Variants in SCUBE1 observed in about 807,000 individuals in gnomAD.
The protein encoded by SCUBE1 is signal peptide, CUB and EGF-like domain-containing protein 1.
SCUBE1 carries 59 observed loss-of-function variants against 124.4 expected under a neutral mutation model. The observed-to-expected ratio is 0.47, with a 90% CI of 0.38 to 0.59. The LOEUF is 0.59. Among genes scored for constraint, SCUBE1 ranks in the 20% least tolerant of loss-of-function variants. The pLI, the probability that SCUBE1 is intolerant of heterozygous loss-of-function variation, is 0.00. For missense variants in SCUBE1, 1,150 were observed against 1,371.2 expected (o/e 0.84, Z 2.55); for synonymous variants, 545 against 550.9 (o/e 0.99, Z 0.15).
chr22:43,290,811 G>A (rs755043907), intron 4 of SCUBE1, among the ~76,000 whole-genome samples: 2 of 152,190 alleles, frequency 1.3e-5, no homozygotes, highest in Non-Finnish European at 2.9e-5. Flanking sequence ...TGCTACTTGC[G>A]GCCCCACATA....
rs900390182 is a variant in SCUBE1 at position 43,234,398 on chromosome 22, G to A, written c.845-2523C>T. On this transcript the variant is annotated intron_variant, in intron 7 of 21. Transcript: ENST00000360835. This position sits in a 1 kb window ranked among gnomAD's most constrained non-coding sequence, Gnocchi z 4.4. ...GCTGCTAAGCAGACAGGGGCAGCAC[G>A]TGATCATTCTCACCACTCCTGCCTC... Among the ~76,000 whole-genome samples, 9 of 152,162 alleles carry A rather than the reference G, an allele frequency of 5.9e-5. No homozygotes were observed. The highest frequency in any genetic ancestry group is 1.9e-4 in the East Asian group (1 of 5,188).
intron 6 of SCUBE1, among the ~76,000 whole-genome samples, chr22:43,257,255 T>C (rs1018042687): frequency 6.6e-6 from 1 of 152,304 alleles, no homozygotes; most frequent in Admixed American, 6.5e-5. Context: ...AACCCTGTCC[T>C]GTCCCCTGAG....
At position 43,201,845 on chromosome 22, in the gene SCUBE1, C is replaced by T. The variant is rs1921021941; in HGVS notation, c.*2152G>A. ...TGAAGAGGCGACACCCCTCCCGGCACCTTCCTCAGGAGCTGTTGCTGCAGG... is the reference window on the plus strand; with the variant it reads ...TGAAGAGGCGACACCCCTCCCGGCATCTTCCTCAGGAGCTGTTGCTGCAGG... On this transcript the variant is annotated 3_prime_UTR_variant, in exon 22 of 22. Coordinates refer to ENST00000360835, the MANE Select transcript of SCUBE1 (RefSeq NM_173050.5). 1 of 152,272 alleles carries T rather than the reference C, an allele frequency of 6.6e-6. No individual in the cohort carries two copies. Among genetic ancestry groups the T allele is most frequent in the African/African-American group, 2.4e-5 (1 of 41,454 alleles). The allele number at this position is 152,272 out of a possible 1,614,324, so 9.4% of individuals were successfully genotyped here. A position where few individuals can be genotyped will look rare whatever the true frequency, so the allele number is the denominator to read the frequency against.
intron 4 of SCUBE1, among the ~76,000 whole-genome samples, chr22:43,290,650 T>C (rs1347178272): frequency 6.6e-6 from 1 of 152,212 alleles, no homozygotes; most frequent in Non-Finnish European, 1.5e-5. Flanking sequence ...TCGCTGGTGC[T>C]GCCAGGCTCA....
At chr22:43,342,636 G>A (rs1927360817) in intron 1 of SCUBE1, among the ~76,000 whole-genome samples, 1 of 151,846 alleles carries the variant, frequency 6.6e-6, no homozygotes, top group Admixed American at 6.6e-5. Flanking sequence ...TCCCCGGGCG[G>A]TGCGGGCCTC....
intron 6 of SCUBE1, among the ~76,000 whole-genome samples, chr22:43,242,846 G>C (rs1378626934): frequency 1.3e-5 from 2 of 152,188 alleles, no homozygotes; most frequent in African/African-American, 4.8e-5. Flanking sequence ...TAGTGGACAA[G>C]GCACCTATCA....
intron 4 of SCUBE1, among the ~76,000 whole-genome samples, chr22:43,280,517 G>A (rs62232104): frequency 3.0e-5 from 1 of 33,120 alleles, no homozygotes; most frequent in Non-Finnish European, 4.8e-5. Context: ...CACCCATCCT[G>A]CTGTCCCTTC....
At chr22:43,288,644 G>A (rs1180936427) in intron 4 of SCUBE1, among the ~76,000 whole-genome samples, 5 of 152,198 alleles carry the variant, frequency 3.3e-5, no homozygotes, top group African/African-American at 4.8e-5. Context: ...CTCCAGCACC[G>A]TCTGCTGCAC....
At chr22:43,224,330 C>T (rs1922221777) in intron 10 of SCUBE1, among the ~76,000 whole-genome samples, 1 of 152,260 alleles carries the variant, frequency 6.6e-6, no homozygotes, top group Non-Finnish European at 1.5e-5. Flanking sequence ...GCAAGTGGGC[C>T]TCTGGCTGGG....
intron 3 of SCUBE1, among the ~76,000 whole-genome samples, chr22:43,316,055 A>G (rs1167139387): frequency 6.6e-6 from 1 of 151,934 alleles, no homozygotes; most frequent in Non-Finnish European, 1.5e-5. Context: ...GCATCAAACC[A>G]CTCCACATCA....
At chr22:43,222,837 A>C in intron 11 of SCUBE1, 95 bp from the exon 12 acceptor site, 1 of 1,089,028 alleles carries the variant, frequency 9.2e-7, no homozygotes, top group Non-Finnish European at 1.3e-6. Context: ...GAGTGAGACG[A>C]AGATCAGGAC....
rs557036901 is a variant in SCUBE1 at position 43,210,645 on chromosome 22, G to A, written c.2383+277C>T. Among the ~76,000 whole-genome samples the A allele has an allele frequency of 6.6e-6, 1 of 152,356 alleles. No individual in the cohort carries two copies. The highest frequency in any genetic ancestry group is 6.5e-5 in the Admixed American group (1 of 15,308). ...AGACCCAGAAACTAGAGCAGGGCCT[G>A]GCCCAGGGCAGAGGCTTGGGCTGTG... On this transcript the variant is annotated intron_variant, in intron 18 of 21. Coordinates refer to ENST00000360835, the MANE Select transcript of SCUBE1 (RefSeq NM_173050.5). The surrounding 1 kb of genome is among the most constrained non-coding windows in gnomAD (Gnocchi z 4.5).
At chr22:43,325,097 G>A (rs1489791392) in intron 2 of SCUBE1, among the ~76,000 whole-genome samples, 1 of 151,584 alleles carries the variant, frequency 6.6e-6, no homozygotes, top group East Asian at 1.9e-4. Context: ...GGCAGAGATT[G>A]GAGTGAGGCA....
chr22:43,279,150 C>T (rs1924656692), intron 4 of SCUBE1, among the ~76,000 whole-genome samples: 1 of 152,168 alleles, frequency 6.6e-6, no homozygotes, highest in African/African-American at 2.4e-5. Flanking sequence ...GCCCCAGACG[C>T]TGCTGGGGAG....
At chr22:43,261,821 T>C (rs1923881461) in intron 5 of SCUBE1, among the ~76,000 whole-genome samples, 2 of 152,214 alleles carry the variant, frequency 1.3e-5, no homozygotes, top group African/African-American at 2.4e-5. Flanking sequence ...CTTTGGCTCT[T>C]TGTAAAAAGG....
chr22:43,228,127 T>G (rs1224404663), intron 9 of SCUBE1, among the ~76,000 whole-genome samples: 1 of 152,196 alleles, frequency 6.6e-6, no homozygotes, highest in African/African-American at 2.4e-5. Context: ...ATCACATTCT[T>G]GCCTGACCCT....
intron 3 of SCUBE1, among the ~76,000 whole-genome samples, chr22:43,293,851 A>G (rs898275042): frequency 7.2e-5 from 11 of 152,210 alleles, no homozygotes; most frequent in African/African-American, 2.4e-4. Context: ...CCCAGTGCAG[A>G]AATGCTACCT....
At chr22:43,315,390 A>C (rs953566251) in intron 3 of SCUBE1, among the ~76,000 whole-genome samples, 1 of 152,216 alleles carries the variant, frequency 6.6e-6, no homozygotes, top group Admixed American at 6.5e-5. Context: ...CTCCAAGCCC[A>C]GCTGACTCTT....
chr22:43,208,546 T>A (rs1921396521), intron 19 of SCUBE1, among the ~76,000 whole-genome samples: 2 of 152,102 alleles, frequency 1.3e-5, no homozygotes, highest in South Asian at 4.1e-4. Flanking sequence ...TGGGTCTCCA[T>A]CTCCCTCCAG....
Sources: allele counts gnomAD v4.1 joint callset (sites outside exome capture counted in the v4.1 genomes callset), GRCh38; gene constraint gnomAD v4.1.1; non-coding constraint Gnocchi (gnomAD v3.1); transcripts MANE v1.5; gene names NCBI Gene and HGNC (gene_info 2026-07-23, HGNC 2026-07-21).